Variants in NTRK3 observed in about 807,000 individuals in gnomAD.
NTRK3 encodes NT-3 growth factor receptor.
NTRK3 carries 24 observed loss-of-function variants against 91.7 expected under a neutral mutation model. The ratio of observed to expected loss-of-function variants is 0.26; its 90% CI spans 0.19 to 0.37. The LOEUF (loss-of-function observed/expected upper bound fraction) is 0.37, where lower values mean the gene tolerates loss of function less well. Ranked by LOEUF, NTRK3 falls within the 10% of genes least tolerant of loss-of-function variation. The pLI is 1.00. For synonymous variants in NTRK3, 483 were observed against 404.0 expected, an observed-to-expected ratio of 1.20 and a Z score of -2.34; for missense variants, 880 against 1,068.9, an observed-to-expected ratio of 0.82 and a Z score of 2.46.
intron 14 of NTRK3, among the ~76,000 whole-genome samples, chr15:87,941,999 T>C (rs1036756730): frequency 6.6e-6 from 1 of 152,222 alleles, no homozygotes; most frequent in African/African-American, 2.4e-5. Flanking sequence ...CTGCAGATCC[T>C]GGGCCATGGC....
At chr15:87,881,521 G>A (rs1439596222) in intron 17 of NTRK3, among the ~76,000 whole-genome samples, 2 of 151,954 alleles carry the variant, frequency 1.3e-5, no homozygotes, top group Non-Finnish European at 2.9e-5. Flanking sequence ...CCGGGTTCAC[G>A]CCATTCTCCT....
intron 14 of NTRK3, among the ~76,000 whole-genome samples, chr15:87,974,022 T>C (rs572702362): frequency 6.6e-6 from 1 of 152,300 alleles, no homozygotes; most frequent in East Asian, 1.9e-4. Flanking sequence ...CCTGCATTGA[T>C]CTGCCCGCTC....
At chr15:88,066,876 G>A (rs1347265760) in intron 13 of NTRK3, among the ~76,000 whole-genome samples, 2 of 152,168 alleles carry the variant, frequency 1.3e-5, no homozygotes, top group Non-Finnish European at 2.9e-5. Context: ...ACCTACACAG[G>A]TCAGTTAGTA....
intron 5 of NTRK3, among the ~76,000 whole-genome samples, chr15:88,155,192 G>C (rs1197699489): frequency 1.3e-5 from 2 of 152,162 alleles, no homozygotes; most frequent in Non-Finnish European, 2.9e-5. Context: ...TTATCCCATG[G>C]TCCCAAGGTA....
intron 9 of NTRK3, among the ~76,000 whole-genome samples, 162 bp downstream of exon 9, chr15:88,135,737 A>C (rs148251258): frequency 6.6e-6 from 1 of 152,310 alleles, no homozygotes; most frequent in Non-Finnish European, 1.5e-5. Flanking sequence ...TTTTTAGTCC[A>C]AGGACTTACT....
chr15:88,137,773 C>T (rs1387212178), intron 6 of NTRK3, among the ~76,000 whole-genome samples: 5 of 152,342 alleles, frequency 3.3e-5, no homozygotes, highest in Middle Eastern at 3.4e-3. Flanking sequence ...AGAAATCCAG[C>T]CAGGTGCGGT....
intron 14 of NTRK3, among the ~76,000 whole-genome samples, chr15:88,007,870 A>G (rs530522391): frequency 8.5e-5 from 13 of 152,302 alleles, no homozygotes; most frequent in African/African-American, 2.9e-4. Flanking sequence ...AGGACCCCTA[A>G]CGTGCCTTAT....
At chr15:87,959,289 A>G (rs1222027491) in intron 14 of NTRK3, among the ~76,000 whole-genome samples, 1 of 152,188 alleles carries the variant, frequency 6.6e-6, no homozygotes, top group East Asian at 1.9e-4. Flanking sequence ...TGCTGTACCC[A>G]GCACCTCCGC....
At chr15:87,867,538 A>G (rs181608796) in exon 19 of NTRK3, 1 of 230,208 alleles carries the variant, frequency 4.3e-6, no homozygotes, top group East Asian at 6.1e-5. Context: ...TGGATGAGAA[A>G]CAGATTGGCT....
rs1416942531 is a variant in NTRK3 at position 88,243,376 on chromosome 15, G to A, written c.248+12530C>T. On this transcript the variant is annotated intron_variant, in intron 3 of 18. Transcript: ENST00000394480. This position sits in a 1 kb window ranked among gnomAD's most constrained non-coding sequence, Gnocchi z 4.8. ...CGCTCCCTCCTGGATCTCAGGTGGA[G>A]AAATGAAGAGGCTGCAAGGATGAGA... Among the ~76,000 whole-genome samples the A allele has an allele frequency of 1.3e-5, 2 of 152,120 alleles. No individual in the cohort carries two copies. The highest frequency in any genetic ancestry group is 4.8e-5 in the African/African-American group (2 of 41,430).
chr15:88,033,653 C>G (rs192696525), intron 13 of NTRK3, among the ~76,000 whole-genome samples: 15 of 151,966 alleles, frequency 9.9e-5, no homozygotes, highest in Non-Finnish European at 1.5e-4. Flanking sequence ...GCGTATTCCT[C>G]GAATGCTCTG....
intron 3 of NTRK3, among the ~76,000 whole-genome samples, chr15:88,188,373 G>T (rs1047487546): frequency 3.9e-5 from 6 of 152,204 alleles, no homozygotes; most frequent in Admixed American, 6.5e-5. Flanking sequence ...ACACATTTTT[G>T]ATTGTCACAG....
intron 13 of NTRK3, among the ~76,000 whole-genome samples, chr15:88,048,701 G>A (rs1433645599): frequency 6.6e-6 from 1 of 152,176 alleles, no homozygotes; most frequent in African/African-American, 2.4e-5. Context: ...TGTAGGCTAT[G>A]TATTTAAATT....
At chr15:88,212,677 T>TG (rs1181088380) in intron 3 of NTRK3, among the ~76,000 whole-genome samples, 1 of 149,730 alleles carries the variant, frequency 6.7e-6, no homozygotes, top group African/African-American at 2.5e-5. Flanking sequence ...AGATACTTCA[T>TG]GGAAGCTGTT....
At chr15:88,128,539 A>AT (rs2053517906) in intron 11 of NTRK3, among the ~76,000 whole-genome samples, 172 bp downstream of exon 11, 1 of 152,172 alleles carries the variant, frequency 6.6e-6, no homozygotes, top group Non-Finnish European at 1.5e-5. Context: ...TGGGCTTGGA[A>AT]CTGCCTAAAA....
At chr15:88,015,656 C>G (rs2077183647) in intron 14 of NTRK3, among the ~76,000 whole-genome samples, 1 of 152,182 alleles carries the variant, frequency 6.6e-6, no homozygotes, top group African/African-American at 2.4e-5. Context: ...TGGCCTGTCT[C>G]CCCAGCTGGA....
At chr15:88,006,645 A>C (rs558805759) in intron 14 of NTRK3, among the ~76,000 whole-genome samples, 46 of 152,314 alleles carry the variant, frequency 3.0e-4, no homozygotes, top group Middle Eastern at 3.4e-3. Context: ...GATTTGAAGA[A>C]GCAGTGAGCA....
intron 5 of NTRK3, among the ~76,000 whole-genome samples, chr15:88,151,211 C>T (rs540278981): frequency 6.6e-6 from 1 of 152,130 alleles, no homozygotes; most frequent in Admixed American, 6.5e-5. Context: ...CGTGACACTG[C>T]CCCTTCTATC....
chr15:88,080,053 T>A (rs1567353683), intron 13 of NTRK3, among the ~76,000 whole-genome samples: 1 of 152,252 alleles, frequency 6.6e-6, no homozygotes, highest in African/African-American at 2.4e-5. Flanking sequence ...TTTTAATGGT[T>A]TCATGGTGTT....
Sources: gnomAD v4.1 joint callset for allele counts (sites outside exome capture counted in the v4.1 genomes callset) on GRCh38, gnomAD v4.1.1 for gene constraint, Gnocchi (gnomAD v3.1) non-coding constraint, MANE v1.5 for transcripts, NCBI Gene and HGNC (gene_info 2026-07-23, HGNC 2026-07-21) for gene names.